ADGRL2: variants seen among roughly 807,000 people sequenced by gnomAD.
ADGRL2 encodes calcium-independent alpha-latrotoxin receptor 2.
ADGRL2 carries 44 observed loss-of-function variants against 157.4 expected under a neutral mutation model. The ratio of observed to expected loss-of-function variants is 0.28; its 90% CI spans 0.22 to 0.36. The LOEUF (loss-of-function observed/expected upper bound fraction) is 0.36. Among genes scored for constraint, ADGRL2 ranks in the 10% least tolerant of loss-of-function variants. The probability of loss-of-function intolerance (pLI) is 1.00; values close to 1 mark genes in which losing one functional copy is unlikely to be tolerated. For missense variants in ADGRL2, 1,510 were observed against 1,768.9 expected (o/e 0.85, Z 2.63); for synonymous variants, 585 against 624.7 (o/e 0.94, Z 0.95).
chr1:81,510,704 G>A (rs1444843582), intron 2 of ADGRL2, among the ~76,000 whole-genome samples: 1 of 152,128 alleles, frequency 6.6e-6, no homozygotes, highest in Non-Finnish European at 1.5e-5. Flanking sequence ...AAGTTATGTA[G>A]GGTCCTTTTT....
At chr1:81,400,861 G>A (rs559626742) in intron 1 of ADGRL2, among the ~76,000 whole-genome samples, 13 of 152,172 alleles carry the variant, frequency 8.5e-5, no homozygotes, top group Middle Eastern at 3.4e-3. Flanking sequence ...TGGCCTTTAG[G>A]GTGTGATGTC....
At chr1:81,524,799 G>A (rs866968158) in intron 2 of ADGRL2, among the ~76,000 whole-genome samples, 1 of 152,144 alleles carries the variant, frequency 6.6e-6, no homozygotes, top group Non-Finnish European at 1.5e-5. Flanking sequence ...GAGAGGGTCA[G>A]GGGGCTGAGG....
At chr1:81,755,382 T>C (rs184990836) in intron 1 of ADGRL2, among the ~76,000 whole-genome samples, 191 of 151,952 alleles carry the variant, frequency 1.3e-3, no homozygotes, top group African/African-American at 4.2e-3. Flanking sequence ...ATCATTATTA[T>C]ATATGTGAGA....
upstream of ADGRL2, among the ~76,000 whole-genome samples, chr1:81,799,342 T>A (rs2087759661): frequency 6.6e-6 from 1 of 152,248 alleles, no homozygotes; most frequent in African/African-American, 2.4e-5. Flanking sequence ...TTGCTCCTTT[T>A]ATCTTTTGAA....
At chr1:81,953,841 C>G (rs533001498) in intron 10 of ADGRL2, among the ~76,000 whole-genome samples, 27 of 152,080 alleles carry the variant, frequency 1.8e-4, no homozygotes, top group Admixed American at 4.6e-4. Flanking sequence ...CCTTGAAGAA[C>G]GAATCCATAT....
chr1:81,409,367 A>G (rs763486743), intron 1 of ADGRL2, among the ~76,000 whole-genome samples: 13 of 152,244 alleles, frequency 8.5e-5, no homozygotes, highest in Non-Finnish European at 1.5e-4. Context: ...ACTGAAATAC[A>G]TATTTTGAAT....
In ADGRL2 at chr1:81,970,554, C is replaced by A. The variant is rs777075652; in HGVS notation, c.2954+20C>A. ...AAAAGCGTAAGTAATTGCAAGCGAC[C>A]TGAGTGTTTTTCAAGTGAATAATTT... On this transcript the variant is annotated intron_variant, in intron 16 of 23. Coordinates refer to ENST00000686636, the MANE Select transcript of ADGRL2 (RefSeq NM_001366006.2). The A allele has an allele frequency of 3.8e-6, 6 of 1,581,180 alleles. No individual in the cohort carries two copies. The East Asian group carries it at 1.1e-4, about 30-fold the overall frequency.
At chr1:81,843,951 G>A (rs903236987) in intron 2 of ADGRL2, among the ~76,000 whole-genome samples, 3 of 151,350 alleles carry the variant, frequency 2.0e-5, no homozygotes, top group Non-Finnish European at 4.4e-5. Context: ...CACAGTCTTC[G>A]TTGATTCACC....
intron 2 of ADGRL2, among the ~76,000 whole-genome samples, chr1:81,878,947 A>G (rs544375030): frequency 6.6e-6 from 1 of 152,328 alleles, no homozygotes; most frequent in South Asian, 2.1e-4. Context: ...ACGTGTATAC[A>G]TTCTGAAAGA....
rs552543100 is a variant in ADGRL2, at chr1:81,600,309, C to T, written c.-143+19329C>T. On this transcript the variant is annotated intron_variant, in intron 3 of 24. Coordinates refer to the ADGRL2 transcript ENST00000370721. ...ACTTTTAGAATTGTTAGAACATTTG[C>T]CCATTATTTCTAGAAGAATCTCAGT... Among the ~76,000 whole-genome samples the T allele has an allele frequency of 7.2e-5, 11 of 152,302 alleles. No homozygotes were observed. In the South Asian group the frequency reaches 1.7e-3, roughly 23 times the overall value.
intron 2 of ADGRL2, among the ~76,000 whole-genome samples, chr1:81,501,541 G>T (rs749779178): frequency 2.6e-5 from 4 of 152,256 alleles, no homozygotes; most frequent in Non-Finnish European, 4.4e-5. Context: ...GAGGCACAGA[G>T]CATGTTTCCA....
intron 1 of ADGRL2, among the ~76,000 whole-genome samples, chr1:81,397,167 T>A (rs553945280): frequency 6.6e-6 from 1 of 152,268 alleles, no homozygotes; most frequent in Non-Finnish European, 1.5e-5. Flanking sequence ...TCAGGTTTTC[T>A]ATTTATTTTT....
chr1:81,640,128 C>A (rs2082189904), intron 3 of ADGRL2, among the ~76,000 whole-genome samples: 1 of 152,104 alleles, frequency 6.6e-6, no homozygotes, highest in African/African-American at 2.4e-5. Flanking sequence ...TTAAACATTT[C>A]CATACAGCCA....
At chr1:81,338,406 C>T (rs938209114) in intron 1 of ADGRL2, among the ~76,000 whole-genome samples, 2 of 100,092 alleles carry the variant, frequency 2.0e-5, no homozygotes, top group African/African-American at 7.8e-5. Context: ...CAAAAAACTA[C>T]TCTTAATATA....
intron 3 of ADGRL2, among the ~76,000 whole-genome samples, chr1:81,657,800 C>G (rs480304): frequency 1.3e-5 from 2 of 151,974 alleles, no homozygotes; most frequent in Non-Finnish European, 2.9e-5. Flanking sequence ...AGGATACATC[C>G]AAAAATCAAA....
Position 81,442,610 on chromosome 1 carries a change from GA to G in ADGRL2, c.-301-2424del, listed in dbSNP as rs567810645. On this transcript the variant is annotated intron_variant, in intron 1 of 24. Transcript: ENST00000370721. ...AAATTTTCCTTTGTTACCTGTCATA[GA>G]ACCTTTACAGTTATGTTGGACCCTC... is the stretch of plus-strand genomic sequence containing the variant. 1.3e-4 allele frequency among the ~76,000 whole-genome samples: 20 copies of G among 152,278 alleles called. No homozygotes were observed. The South Asian group carries it at 4.1e-3, about 32-fold the overall frequency.
intron 1 of ADGRL2, among the ~76,000 whole-genome samples, chr1:81,717,745 A>T (rs1280625580): frequency 6.6e-6 from 1 of 152,184 alleles, no homozygotes; most frequent in Non-Finnish European, 1.5e-5. Flanking sequence ...ACAAGACAAT[A>T]TATGGAACTA....
At chr1:81,528,667 A>G (rs1231602882) in intron 2 of ADGRL2, among the ~76,000 whole-genome samples, 4 of 151,052 alleles carry the variant, frequency 2.6e-5, no homozygotes, top group African/African-American at 4.8e-5. Flanking sequence ...AAAAAAAAAA[A>G]AAAAAAAAGA....
chr1:81,843,578 A>G (rs917087064), intron 2 of ADGRL2, among the ~76,000 whole-genome samples: 1 of 152,196 alleles, frequency 6.6e-6, no homozygotes, highest in Admixed American at 6.6e-5. Flanking sequence ...TTAAAAATAT[A>G]AATCTTAATG....
Sources: allele counts gnomAD v4.1 joint callset (sites outside exome capture counted in the v4.1 genomes callset), GRCh38; gene constraint gnomAD v4.1.1; transcripts MANE v1.5; gene names NCBI Gene and HGNC (gene_info 2026-07-23, HGNC 2026-07-21).